The following GNA11 variants were observed in gnomAD, a reference collection of about 807,000 sequenced individuals.
GNA11 encodes the protein G protein subunit alpha 11.
A neutral mutation model predicts 38.2 loss-of-function variants in GNA11; 8 were observed. The observed-to-expected ratio is 0.21, with a 90% confidence interval of 0.12 to 0.38. The LOEUF (loss-of-function observed/expected upper bound fraction) is 0.38. GNA11 is among the 10% of genes least tolerant of loss of function. GNA11 has a pLI of 1.00. For missense variants in GNA11, 268 were observed against 516.3 expected (o/e 0.52, Z 4.66); for synonymous variants, 211 against 221.4 (o/e 0.95, Z 0.42).
rs778948783 is a variant in GNA11, at chr19:3,118,985, G to A, written c.667G>A (p.Val223Met). ...GAAGTGGATCCACTGCTTTGAGAAC[G>A]TGACATCCATCATGTTTCTCGTCGC... ...RRKWIHCFEN[V>M]TSIMFLVALS... is the part of the protein sequence containing the mutation. The change falls in exon 5 of 7, where the codon GTG becomes ATG. Residue 223 changes from valine (V) to methionine (M), a missense_variant. Coordinates refer to ENST00000078429, the MANE Select transcript of GNA11 (RefSeq NM_002067.5). 1.2e-6 allele frequency: 2 copies of A among 1,613,048 alleles called. No individual in the cohort carries two copies. The highest frequency in any genetic ancestry group is 1.7e-6 in the Non-Finnish European group (2 of 1,179,056).
Position 3,119,497 on chromosome 19 carries a change from G to A in GNA11, c.889+138G>A. 1.4e-6 allele frequency: 1 copy of A among 706,366 alleles called. No individual in the cohort carries two copies. The highest frequency in any genetic ancestry group is 2.3e-6 in the Non-Finnish European group (1 of 428,554). 43.8% of individuals were successfully genotyped at this position (706,366 alleles called of 1,614,324 possible). ...GATGGGAGGTGTCATGTATGGGAGT[G>A]GAGTCTCAGGGAAGGGAGATCTCGT... On this transcript the variant is annotated intron_variant, in intron 6 of 6. Coordinates refer to ENST00000078429, the MANE Select transcript of GNA11 (RefSeq NM_002067.5). The surrounding 1 kb of genome is among the most constrained non-coding windows in gnomAD (Gnocchi z 4.6).
Position 3,094,549 on chromosome 19 carries a change from G to C in GNA11, c.-103G>C, listed in dbSNP as rs1913311881. The C allele has an allele frequency of 2.7e-6, 1 of 370,550 alleles. No individual in the cohort carries two copies. Among genetic ancestry groups the C allele is most frequent in the Admixed American group, 6.7e-5 (1 of 14,882 alleles). 23.0% of individuals were successfully genotyped at this position (370,550 alleles called of 1,614,324 possible). ...GGGCCGAGGGCCGGTGGCCGAGGCCGGAGGGCCGCGGCGGGCGGCGGCCGA... is the reference window on the plus strand; with the variant it reads ...GGGCCGAGGGCCGGTGGCCGAGGCCCGAGGGCCGCGGCGGGCGGCGGCCGA... On this transcript the variant is annotated 5_prime_UTR_variant, in exon 1 of 7. Transcript: ENST00000078429. The surrounding 1 kb of genome is among the most constrained non-coding windows in gnomAD (Gnocchi z 6.0).
Position 3,121,588 on chromosome 19 carries a change from C to G in GNA11, c.*409C>G, listed in dbSNP as rs1469750647. On this transcript the variant is annotated 3_prime_UTR_variant, in exon 7 of 7. Coordinates refer to ENST00000078429, the MANE Select transcript of GNA11 (RefSeq NM_002067.5). The stretch of plus-strand genomic sequence containing the variant: ...TGGGGCCCCGCCCTGCAGCCAGTCA[C>G]GCGCCCCCACACCGCAGCCCCCCGT... 4.3e-6 allele frequency: 1 copy of G among 234,596 alleles called. No individual in the cohort carries two copies. The highest frequency in any genetic ancestry group is 2.2e-5 in the African/African-American group (1 of 45,356). The allele number at this position is 234,596 out of a possible 1,614,324, so 14.5% of individuals were successfully genotyped here.
chr19:3,106,134 C>G (rs189243408), intron 1 of GNA11, among the ~76,000 whole-genome samples: 2 of 152,092 alleles, frequency 1.3e-5, no homozygotes, highest in East Asian at 1.9e-4. Flanking sequence ...GGCTGAGGCC[C>G]GAGTTGGGGC....
In GNA11 at chr19:3,122,600, G is replaced by C; in HGVS notation, c.*1421G>C. ...GGAGGTGGCTTTTTCGTCTGCTGTT[G>C]ACTGAACACTACAGCGCCCTGTGGT... On this transcript the variant is annotated 3_prime_UTR_variant, in exon 7 of 7. Coordinates refer to ENST00000078429, the MANE Select transcript of GNA11 (RefSeq NM_002067.5). This position sits in a 1 kb window ranked among gnomAD's most constrained non-coding sequence, Gnocchi z 7.7. The C allele has an allele frequency of 8.6e-6, 2 of 233,298 alleles. No homozygotes were observed. The highest frequency in any genetic ancestry group is 1.7e-5 in the Non-Finnish European group (2 of 118,068). 14.5% of individuals were successfully genotyped at this position (233,298 alleles called of 1,614,324 possible).
At position 3,094,831 on chromosome 19, in the gene GNA11, C is replaced by T. The variant is rs1174129955; in HGVS notation, c.136+44C>T. On this transcript the variant is annotated intron_variant, in intron 1 of 6. Coordinates refer to ENST00000078429, the MANE Select transcript of GNA11 (RefSeq NM_002067.5). The surrounding 1 kb of genome is among the most constrained non-coding windows in gnomAD (Gnocchi z 6.0). ...CCTGCCGGCTGCGGGCCCTGCCCTG[C>T]CTGTGCCTGCCCTGCCTGTCCGGGT... is the stretch of plus-strand genomic sequence containing the variant. 2.8e-6 allele frequency: 4 copies of T among 1,426,308 alleles called. No homozygotes were observed. The highest frequency in any genetic ancestry group is 5.6e-5 in the East Asian group (2 of 35,840). The allele number at this position is 1,426,308 out of a possible 1,614,324, so 88.4% of individuals were successfully genotyped here.
chr19:3,109,241 G>GTGA lies in GNA11; in HGVS notation c.137-907_137-905dup, dbSNP rs1555701491. Among the ~76,000 whole-genome samples the GTGA allele has an allele frequency of 2.8e-4, 43 of 152,032 alleles. 1 individual carries two copies. Among genetic ancestry groups the GTGA allele is most frequent in the African/African-American group, 9.2e-4 (38 of 41,284 alleles). ...GAGTCTCTGCCCAGGAGGTGACCAG[G>GTGA]TGAGAGGCAGAGGCAGGAGAGGGGC... On this transcript the variant is annotated intron_variant, in intron 1 of 6. Coordinates refer to ENST00000078429, the MANE Select transcript of GNA11 (RefSeq NM_002067.5).
intron 4 of GNA11, 158 bp from the exon 5 acceptor site, chr19:3,118,766 C>T (rs1157042421): frequency 1.5e-6 from 1 of 677,550 alleles, no homozygotes; most frequent in Non-Finnish European, 2.5e-6. Flanking sequence ...CGGCCGCTCT[C>T]TGAGAGCGTC....
Position 3,119,637 on chromosome 19 carries a change from G to A in GNA11, c.889+278G>A, listed in dbSNP as rs375692261. The stretch of plus-strand genomic sequence containing the variant: ...AGGGGTCTCGGGTGGGAGGGGTCTC[G>A]GGCAGGGGGATCTCGGGTGGGAGGA... On this transcript the variant is annotated intron_variant, in intron 6 of 6. Coordinates refer to ENST00000078429, the MANE Select transcript of GNA11 (RefSeq NM_002067.5). The surrounding 1 kb of genome is among the most constrained non-coding windows in gnomAD (Gnocchi z 4.6). Among the ~76,000 whole-genome samples, 15 of 151,352 alleles carry A rather than the reference G, an allele frequency of 9.9e-5. No individual in the cohort carries two copies. The highest frequency in any genetic ancestry group is 2.9e-4 in the African/African-American group (12 of 41,224).
Position 3,094,514 on chromosome 19 carries a change from G to A in GNA11, c.-138G>A. Reference sequence around the variant, plus strand: ...GCCAGGCGGCGGCCGAGGCGGGGCGGGCCGGCCCGGGGCCGAGGGCCGGTG... The same window carrying A: ...GCCAGGCGGCGGCCGAGGCGGGGCGAGCCGGCCCGGGGCCGAGGGCCGGTG... On this transcript the variant is annotated 5_prime_UTR_variant, in exon 1 of 7. Coordinates refer to ENST00000078429, the MANE Select transcript of GNA11 (RefSeq NM_002067.5). The surrounding 1 kb of genome is among the most constrained non-coding windows in gnomAD (Gnocchi z 6.0). 6.0e-6 allele frequency: 1 copy of A among 166,156 alleles called. No individual in the cohort carries two copies. Among genetic ancestry groups the A allele is most frequent in the Non-Finnish European group, 1.2e-5 (1 of 84,334 alleles). 10.3% of individuals were successfully genotyped at this position (166,156 alleles called of 1,614,324 possible). A position where few individuals can be genotyped will look rare whatever the true frequency, so the allele number is the denominator to read the frequency against.
chr19:3,095,557 C>T (rs910655456), intron 1 of GNA11, among the ~76,000 whole-genome samples: 1 of 152,046 alleles, frequency 6.6e-6, no homozygotes, highest in Non-Finnish European at 1.5e-5. Flanking sequence ...CTCCGTGTCC[C>T]CTATCCCCAC....
intron 4 of GNA11, chr19:3,118,649 C>G (rs1251146328): frequency 9.9e-6 from 4 of 405,398 alleles, no homozygotes; most frequent in Non-Finnish European, 1.8e-5. Context: ...CCAGAATCCT[C>G]TGGGTTCTCA....
chr19:3,110,101 A>G lies in GNA11; in HGVS notation c.137-48A>G, dbSNP rs368095546. On this transcript the variant is annotated intron_variant, in intron 1 of 6. Coordinates refer to ENST00000078429, the MANE Select transcript of GNA11 (RefSeq NM_002067.5). The surrounding 1 kb of genome is among the most constrained non-coding windows in gnomAD (Gnocchi z 5.4). ...CTGGGTAAGAGGGGGCAGCAGCACG[A>G]GAGTCAGGCCCCGGCTGCCGCCCGC... 10 of 1,475,008 alleles carry G rather than the reference A, an allele frequency of 6.8e-6. No homozygotes were observed. The African/African-American group carries it at 1.3e-4, about 18-fold the overall frequency. The allele number at this position is 1,475,008 out of a possible 1,614,324, so 91.4% of individuals were successfully genotyped here.
intron 3 of GNA11, among the ~76,000 whole-genome samples, chr19:3,114,458 C>A (rs543240816): frequency 6.6e-6 from 1 of 152,288 alleles, no homozygotes; most frequent in African/African-American, 2.4e-5. Flanking sequence ...GGGTGCCGCA[C>A]CCACGTACAG....
Position 3,121,467 on chromosome 19 carries a change from A to AG in GNA11, c.*288_*289insG, listed in dbSNP as rs1555703014. ...CTCGCTTTTTTCTAAAAAAAAAAAAAAAAGAAAGAAAGAAAAAAAGCAACG... is the reference window on the plus strand; with the variant it reads ...CTCGCTTTTTTCTAAAAAAAAAAAAAGAAAGAAAGAAAGAAAAAAAGCAACG... On this transcript the variant is annotated 3_prime_UTR_variant, in exon 7 of 7. Coordinates refer to ENST00000078429, the MANE Select transcript of GNA11 (RefSeq NM_002067.5). The AG allele has an allele frequency of 2.8e-5, 7 of 248,396 alleles. No homozygotes were observed. Among genetic ancestry groups the AG allele is most frequent in the African/African-American group, 6.6e-5 (3 of 45,556 alleles). 15.4% of individuals were successfully genotyped at this position (248,396 alleles called of 1,614,324 possible). A position where few individuals can be genotyped will look rare whatever the true frequency, so the allele number is the denominator to read the frequency against.
chr19:3,098,830 A>G (rs1913433981), intron 1 of GNA11, among the ~76,000 whole-genome samples: 1 of 151,972 alleles, frequency 6.6e-6, no homozygotes. Flanking sequence ...TTGACTTCCC[A>G]AGCCCGAGCC....
At chr19:3,117,300 C>T (rs893931960) in intron 4 of GNA11, 1 of 152,428 alleles carries the variant, frequency 6.6e-6, no homozygotes, top group Non-Finnish European at 1.5e-5. Context: ...TCAGAAATGT[C>T]CTGTCCCCTC....
chr19:3,122,750 G>A lies in GNA11; in HGVS notation c.*1571G>A, dbSNP rs982948163. The A allele has an allele frequency of 1.3e-5, 3 of 233,502 alleles. No individual in the cohort carries two copies. Among genetic ancestry groups the A allele is most frequent in the African/African-American group, 2.2e-5 (1 of 45,344 alleles). 14.5% of individuals were successfully genotyped at this position (233,502 alleles called of 1,614,324 possible). On this transcript the variant is annotated 3_prime_UTR_variant, in exon 7 of 7. Transcript: ENST00000078429. The surrounding 1 kb of genome is among the most constrained non-coding windows in gnomAD (Gnocchi z 7.7). ...GACAAAAGAAACAGCCCCAAAATAC[G>A]ACCACTCCAACCAGCAGTTCCCGCC...
chr19:3,109,765 A>T (rs1302901895), intron 1 of GNA11, among the ~76,000 whole-genome samples: 1 of 152,180 alleles, frequency 6.6e-6, no homozygotes, highest in African/African-American at 2.4e-5. Context: ...TCTGGTGAGC[A>T]TTGGTCATGA....
Sources: allele counts gnomAD v4.1 joint callset (sites outside exome capture counted in the v4.1 genomes callset), GRCh38; gene constraint gnomAD v4.1.1; non-coding constraint Gnocchi (gnomAD v3.1); transcripts MANE v1.5; gene names NCBI Gene and HGNC (gene_info 2026-07-23, HGNC 2026-07-21).